RP1: variants seen among roughly 807,000 people sequenced by gnomAD.
The protein encoded by RP1 is RP1 axonemal microtubule associated.
Under a neutral mutation model 14.8 loss-of-function variants are expected in RP1, and 16 were observed. The ratio of observed to expected loss-of-function variants is 1.08; its 90% CI spans 0.73 to 1.65. The LOEUF (loss-of-function observed/expected upper bound fraction) is 1.65, where lower values mean the gene tolerates loss of function less well. RP1 is among the 40% of genes most tolerant of loss of function. The probability of loss-of-function intolerance (pLI) is 0.00; values close to 1 mark genes in which losing one functional copy is unlikely to be tolerated. For missense variants in RP1, 2,631 were observed against 2,535.0 expected, an observed-to-expected ratio of 1.04 and a Z score of -0.81; for synonymous variants, 876 against 883.6, an observed-to-expected ratio of 0.99 and a Z score of 0.15.
intron 1 of RP1, among the ~76,000 whole-genome samples, chr8:54,590,945 T>C (rs570756419): frequency 3.2e-4 from 48 of 152,310 alleles, no homozygotes; most frequent in African/African-American, 1.1e-3. Context: ...CATTCACTCA[T>C]ACCCAAACCT....
chr8:54,609,968 G>C (rs1805553701), intron 1 of RP1, among the ~76,000 whole-genome samples: 1 of 152,188 alleles, frequency 6.6e-6, no homozygotes, highest in African/African-American at 2.4e-5. Context: ...AACTGTGTCT[G>C]ATTTTAAATA....
intron 12 of RP1, among the ~76,000 whole-genome samples, chr8:54,682,281 T>G (rs1024392600): frequency 6.6e-6 from 1 of 151,914 alleles, no homozygotes; most frequent in African/African-American, 2.4e-5. Context: ...GGGATACATG[T>G]GCAGAATGTG....
At chr8:54,747,014 A>T (rs1809241227) in intron 19 of RP1, among the ~76,000 whole-genome samples, 1 of 152,046 alleles carries the variant, frequency 6.6e-6, no homozygotes, top group Non-Finnish European at 1.5e-5. Flanking sequence ...TCCCTCCAAA[A>T]TCCAATCCCT....
intron 1 of RP1, among the ~76,000 whole-genome samples, chr8:54,562,508 T>C (rs1324934443): frequency 1.3e-5 from 2 of 152,094 alleles, no homozygotes; most frequent in Non-Finnish European, 2.9e-5. Flanking sequence ...ACCCTGTTGC[T>C]ACTAAAAATA....
At chr8:54,798,024 T>A (rs1486926355) in intron 24 of RP1, among the ~76,000 whole-genome samples, 1 of 152,024 alleles carries the variant, frequency 6.6e-6, no homozygotes, top group Admixed American at 6.6e-5. Context: ...TTTTATTTAT[T>A]TTTATTTGAG....
upstream of RP1, among the ~76,000 whole-genome samples, chr8:54,612,332 C>T (rs1187748789): frequency 6.6e-6 from 1 of 152,172 alleles, no homozygotes; most frequent in Non-Finnish European, 1.5e-5. Context: ...TGTAGGAATG[C>T]AGGCTGCTGT....
intron 3 of RP1, among the ~76,000 whole-genome samples, chr8:54,624,073 A>C (rs1402931460): frequency 5.9e-5 from 9 of 152,244 alleles, no homozygotes; most frequent in Admixed American, 5.2e-4. Context: ...ATTGAGGTAG[A>C]ATTAGAGATC....
At chr8:54,580,082 T>C (rs1048720111) in intron 1 of RP1, among the ~76,000 whole-genome samples, 20 of 152,128 alleles carry the variant, frequency 1.3e-4, no homozygotes, top group Non-Finnish European at 2.4e-4. Context: ...ATGACCTAAA[T>C]AGTGGCTCCA....
At chr8:54,712,017 C>G (rs1808303453) in intron 15 of RP1, among the ~76,000 whole-genome samples, 1 of 152,034 alleles carries the variant, frequency 6.6e-6, no homozygotes, top group African/African-American at 2.4e-5. Context: ...CTTAGTAAGG[C>G]CTGTCCAGGT....
chr8:54,761,067 C>A (rs1809626700), intron 22 of RP1, among the ~76,000 whole-genome samples: 1 of 152,092 alleles, frequency 6.6e-6, no homozygotes, highest in Non-Finnish European at 1.5e-5. Flanking sequence ...GAGTGTGCTT[C>A]ATCCAGGACT....
chr8:54,817,091 C>T (rs755900494), intron 24 of RP1, among the ~76,000 whole-genome samples: 1 of 152,064 alleles, frequency 6.6e-6, no homozygotes, highest in Non-Finnish European at 1.5e-5. Flanking sequence ...CTGAGCATGT[C>T]ATTGCTTTAT....
intron 24 of RP1, among the ~76,000 whole-genome samples, chr8:54,811,991 C>A (rs982093273): frequency 6.6e-6 from 1 of 152,182 alleles, no homozygotes; most frequent in East Asian, 1.9e-4. Context: ...CAATATTTGT[C>A]AACTCAGTTT....
At chr8:54,589,905 A>C (rs546408345) in intron 1 of RP1, among the ~76,000 whole-genome samples, 2 of 152,278 alleles carry the variant, frequency 1.3e-5, no homozygotes, top group African/African-American at 4.8e-5. Context: ...TAAAATCCTA[A>C]TACAGTTCCC....
At chr8:54,590,062 G>T (rs573701761) in intron 1 of RP1, among the ~76,000 whole-genome samples, 1 of 152,182 alleles carries the variant, frequency 6.6e-6, no homozygotes, top group Admixed American at 6.5e-5. Context: ...TGAAAGAAGC[G>T]TGCCTGCTCC....
intron 12 of RP1, among the ~76,000 whole-genome samples, chr8:54,690,215 G>A (rs1417912045): frequency 1.3e-5 from 2 of 151,902 alleles, no homozygotes; most frequent in East Asian, 3.9e-4. Context: ...CCTCTCTGAG[G>A]TCATTGCTAA....
At chr8:54,569,663 G>A (rs1804480009) in intron 1 of RP1, among the ~76,000 whole-genome samples, 1 of 152,178 alleles carries the variant, frequency 6.6e-6, no homozygotes. Context: ...AATGAATATA[G>A]GAAGCTGTCA....
chr8:54,861,011 T>G (rs564111525), intron 27 of RP1, among the ~76,000 whole-genome samples: 15 of 152,330 alleles, frequency 9.8e-5, no homozygotes, highest in African/African-American at 3.6e-4. Flanking sequence ...AGGAACCCAG[T>G]TAAAGCAAGT....
exon 11 of RP1, chr8:54,679,615 G>A (rs1807378401): frequency 1.3e-6 from 2 of 1,535,936 alleles, no homozygotes; most frequent in Non-Finnish European, 1.7e-6. Context: ...TGGAACTTAA[G>A]AGAAAAGAAA....
At chr8:54,690,329 G>T (rs186271833) in intron 12 of RP1, among the ~76,000 whole-genome samples, 57 of 152,076 alleles carry the variant, frequency 3.7e-4, no homozygotes, top group South Asian at 6.2e-4. Context: ...TTCTAATTAA[G>T]AATCTGAAAA....
Sources: allele counts gnomAD v4.1 joint callset (sites outside exome capture counted in the v4.1 genomes callset), GRCh38; gene constraint gnomAD v4.1.1; transcripts MANE v1.5; gene names NCBI Gene and HGNC (gene_info 2026-07-23, HGNC 2026-07-21).